Variants in PATJ observed in about 807,000 individuals in gnomAD.
The protein encoded by PATJ is PATJ crumbs cell polarity complex component, also known as inaD-like protein.
Under a neutral mutation model 224.9 loss-of-function variants are expected in PATJ, and 190 were observed. That is an observed-to-expected ratio of 0.84 (90% confidence interval 0.75 to 0.95). PATJ has a LOEUF of 0.95. PATJ is among the 40% of genes least tolerant of loss of function. The pLI, the probability that PATJ is intolerant of heterozygous loss-of-function variation, is 0.00. For missense variants in PATJ, 2,121 were observed against 2,270.3 expected (o/e 0.93, Z 1.34); for synonymous variants, 769 against 820.3 (o/e 0.94, Z 1.07).
At chr1:61,940,483 G>A (rs190860230) in intron 27 of PATJ, among the ~76,000 whole-genome samples, 30 of 152,200 alleles carry the variant, frequency 2.0e-4, no homozygotes, top group African/African-American at 6.3e-4. Flanking sequence ...TTGGGAGGCC[G>A]AGATGGGCGG....
At chr1:62,010,617 T>A (rs1215422701) in intron 28 of PATJ, among the ~76,000 whole-genome samples, 1 of 152,184 alleles carries the variant, frequency 6.6e-6, no homozygotes, top group Non-Finnish European at 1.5e-5. Context: ...AGGATTTCAT[T>A]CTTTGTTATG....
rs1294042600 is a variant in PATJ at position 61,763,159 on chromosome 1, A to G, written c.169A>G (p.Ile57Val). The G allele has an allele frequency of 1.9e-6, 3 of 1,589,626 alleles. No homozygotes were observed. The highest frequency in any genetic ancestry group is 2.3e-5 in the South Asian group (2 of 85,210). The stretch of plus-strand genomic sequence containing the variant: ...CCAGATACTCACACTTCAGCAGTCC[A>G]TCAAGCAACTGAAGGGTCAAGTAAG... The part of the protein sequence containing the change: ...FNQILTLQQS[I>V]KQLKGQLNHI... Residue 57 changes from isoleucine (I) to valine (V), a missense_variant, in exon 3 of 44, where the codon ATC becomes GTC. Ile to Val is a conservative substitution (Grantham distance 29). Coordinates refer to ENST00000642238, the MANE Select transcript of PATJ (RefSeq NM_001350145.3).
chr1:62,028,475 G>T (rs1419529766), intron 29 of PATJ, among the ~76,000 whole-genome samples: 1 of 152,198 alleles, frequency 6.6e-6, no homozygotes, highest in Non-Finnish European at 1.5e-5. Flanking sequence ...TGTTCTAGTT[G>T]AAAATCCCTT....
intron 5 of PATJ, among the ~76,000 whole-genome samples, chr1:61,770,932 A>C (rs1293680630): frequency 6.6e-6 from 1 of 151,212 alleles, no homozygotes; most frequent in African/African-American, 2.4e-5. Flanking sequence ...AAAAAAGCTC[A>C]GATATAAATT....
intron 22 of PATJ, among the ~76,000 whole-genome samples, chr1:61,885,539 G>C (rs1465514824): frequency 6.6e-6 from 1 of 152,154 alleles, no homozygotes; most frequent in East Asian, 1.9e-4. Flanking sequence ...AGGTGCTGGA[G>C]AGGATGTGGA....
chr1:62,155,841 A>C (rs1410414232), intron 43 of PATJ, among the ~76,000 whole-genome samples: 2 of 149,060 alleles, frequency 1.3e-5, no homozygotes, highest in Non-Finnish European at 3.0e-5. Flanking sequence ...GCAGATCACG[A>C]GGTCCGGAGA....
chr1:62,137,863 G>A (rs903519700), intron 41 of PATJ, among the ~76,000 whole-genome samples: 12 of 152,056 alleles, frequency 7.9e-5, no homozygotes, highest in South Asian at 6.3e-4. Flanking sequence ...CCTCAGGTGG[G>A]GGGATCTCCT....
chr1:61,999,282 A>G lies in PATJ; in HGVS notation c.3867+8918A>G, dbSNP rs933954496. 7.9e-5 allele frequency among the ~76,000 whole-genome samples: 12 copies of G among 152,126 alleles called. No homozygotes were observed. In the East Asian group the frequency reaches 1.5e-3, roughly 20 times the overall value. Reference sequence around the variant, plus strand: ...GCTTTCCCAACTTCCTTCCTGTCCTATGGATATTGTAGTGACTGTAGTGAA... The same window carrying G: ...GCTTTCCCAACTTCCTTCCTGTCCTGTGGATATTGTAGTGACTGTAGTGAA... On this transcript the variant is annotated intron_variant, in intron 28 of 43. Transcript: ENST00000642238.
chr1:61,872,701 C>A (rs897209559), intron 20 of PATJ, among the ~76,000 whole-genome samples: 1 of 152,164 alleles, frequency 6.6e-6, no homozygotes, highest in African/African-American at 2.4e-5. Flanking sequence ...GTCCAAATTA[C>A]CCTTACGCTC....
At chr1:61,789,325 A>C (rs1258413708) in intron 8 of PATJ, among the ~76,000 whole-genome samples, 2 of 151,760 alleles carry the variant, frequency 1.3e-5, no homozygotes, top group African/African-American at 4.8e-5. Context: ...TAAATAAATA[A>C]AATAAAACAA....
At chr1:61,842,723 T>A (rs1175723311) in intron 17 of PATJ, among the ~76,000 whole-genome samples, 1 of 150,568 alleles carries the variant, frequency 6.6e-6, no homozygotes, top group African/African-American at 2.5e-5. Context: ...AGCCTGGCTA[T>A]GCATCTGTCC....
intron 33 of PATJ, among the ~76,000 whole-genome samples, chr1:62,087,074 C>T (rs975027335): frequency 6.6e-6 from 1 of 152,016 alleles, no homozygotes; most frequent in Non-Finnish European, 1.5e-5. Context: ...TTTTTGGGTA[C>T]CCGCACTCGG....
intron 30 of PATJ, among the ~76,000 whole-genome samples, chr1:62,050,330 A>G (rs145407810): frequency 0.012 from 1,818 of 152,320 alleles, 16 homozygotes; most frequent in Middle Eastern, 0.048. Flanking sequence ...GCAAAAGGAA[A>G]TGTATTAGCT....
chr1:61,742,596 C>G (rs894071052), intron 1 of PATJ, 41 bp downstream of exon 1: 125 of 152,392 alleles, frequency 8.2e-4, no homozygotes, highest in African/African-American at 2.9e-3. Flanking sequence ...GCGCTCGCCC[C>G]TGGGTGTCCC....
intron 31 of PATJ, among the ~76,000 whole-genome samples, chr1:62,056,300 T>C (rs1221232047): frequency 6.6e-6 from 1 of 152,214 alleles, no homozygotes; most frequent in East Asian, 1.9e-4. Context: ...GCTAACTTAT[T>C]CACATAACAA....
intron 14 of PATJ, 32 bp from the exon 15 acceptor site, chr1:61,822,913 A>G (rs772288920): frequency 3.7e-6 from 6 of 1,612,864 alleles, no homozygotes; most frequent in East Asian, 2.2e-5. Context: ...TGTCATTGTC[A>G]TGTTTGATCA....
At chr1:62,056,357 G>A (rs1654533741) in intron 31 of PATJ, among the ~76,000 whole-genome samples, 1 of 152,120 alleles carries the variant, frequency 6.6e-6, no homozygotes, top group South Asian at 2.1e-4. Flanking sequence ...ATAAAGCACT[G>A]AAATGTTAAA....
At chr1:62,128,177 G>A (rs1665921690) in intron 40 of PATJ, 83 bp downstream of exon 40, 1 of 1,550,994 alleles carries the variant, frequency 6.4e-7, no homozygotes, top group African/African-American at 1.4e-5. Flanking sequence ...CTTGTTTAAA[G>A]TTGGAATTCC....
At chr1:62,141,379 T>A (rs1460932880) in intron 41 of PATJ, among the ~76,000 whole-genome samples, 1 of 152,008 alleles carries the variant, frequency 6.6e-6, no homozygotes, top group Admixed American at 6.6e-5. Flanking sequence ...CACGGCTGAA[T>A]GTAAAATGAG....
Sources: allele counts gnomAD v4.1 joint callset (sites outside exome capture counted in the v4.1 genomes callset), GRCh38; gene constraint gnomAD v4.1.1; transcripts MANE v1.5; gene names NCBI Gene and HGNC (gene_info 2026-07-23, HGNC 2026-07-21).